The following TEAD4 variants were observed in gnomAD, a reference collection of about 807,000 sequenced individuals.
TEAD4 encodes transcriptional enhancer factor TEF-3.
TEAD4 carries 36 observed loss-of-function variants against 52.4 expected under a neutral mutation model. The ratio of observed to expected loss-of-function variants is 0.69; its 90% CI spans 0.53 to 0.91. The LOEUF (loss-of-function observed/expected upper bound fraction) is 0.91. TEAD4 is among the 40% of genes least tolerant of loss of function. TEAD4 has a pLI of 0.00. For synonymous variants in TEAD4, 220 were observed against 231.0 expected, an observed-to-expected ratio of 0.95 and a Z score of 0.43; for missense variants, 508 against 583.9, an observed-to-expected ratio of 0.87 and a Z score of 1.34.
At chr12:3,002,572 G>T (rs2098252577) in intron 3 of TEAD4, among the ~76,000 whole-genome samples, 1 of 152,180 alleles carries the variant, frequency 6.6e-6, no homozygotes, top group African/African-American at 2.4e-5. Context: ...CTATCTCGTG[G>T]TTTTTGATTT....
intron 10 of TEAD4, among the ~76,000 whole-genome samples, chr12:3,023,876 C>A (rs560161078): frequency 2.0e-5 from 3 of 151,630 alleles, no homozygotes; most frequent in Non-Finnish European, 4.4e-5. Context: ...GTAGTCACTG[C>A]AAATTTCAGC....
chr12:3,016,113 TG>T (rs148953693), intron 5 of TEAD4, among the ~76,000 whole-genome samples: 3,326 of 152,246 alleles, frequency 0.022, 139 homozygotes, highest in African/African-American at 0.076. Flanking sequence ...CTGCAGCCCC[TG>T]CTTCCCAGGT....
Position 3,040,649 on chromosome 12 carries a change from A to C in TEAD4, c.*171A>C. 1.6e-6 allele frequency: 1 copy of C among 617,948 alleles called. No homozygotes were observed. Among genetic ancestry groups the C allele is most frequent in the Non-Finnish European group, 2.9e-6 (1 of 345,846 alleles). The allele number at this position is 617,948 out of a possible 1,614,324, so 38.3% of individuals were successfully genotyped here. A position where few individuals can be genotyped will look rare whatever the true frequency, so the allele number is the denominator to read the frequency against. On this transcript the variant is annotated 3_prime_UTR_variant, in exon 13 of 13. Coordinates refer to ENST00000359864, the MANE Select transcript of TEAD4 (RefSeq NM_003213.4). ...ACCTGAGGTGCCCAACCCCAAATAA[A>C]CCCAAGATGCTGTGTATTTTCAGAG...
intron 2 of TEAD4, among the ~76,000 whole-genome samples, chr12:2,974,250 G>C (rs541923341): frequency 2.6e-5 from 4 of 152,304 alleles, no homozygotes; most frequent in East Asian, 3.9e-4. Context: ...TGATCCACCT[G>C]CCTCGGCCTC....
At chr12:2,961,384 A>C (rs1157901948) in intron 2 of TEAD4, among the ~76,000 whole-genome samples, 2 of 151,960 alleles carry the variant, frequency 1.3e-5, no homozygotes, top group Non-Finnish European at 2.9e-5. Context: ...TCTTGGAAGG[A>C]AGGAGCCAGA....
At chr12:2,984,218 C>G (rs758310567) in intron 2 of TEAD4, among the ~76,000 whole-genome samples, 3 of 152,072 alleles carry the variant, frequency 2.0e-5, no homozygotes, top group Non-Finnish European at 2.9e-5. Context: ...CAGATGGAAG[C>G]GCTAGAAAAT....
intron 2 of TEAD4, among the ~76,000 whole-genome samples, chr12:2,971,218 C>G (rs936875885): frequency 6.6e-6 from 1 of 152,156 alleles, no homozygotes; most frequent in Non-Finnish European, 1.5e-5. Context: ...GGGTCTGTGG[C>G]AGTGCCTGGT....
chr12:2,994,628 T>C lies in TEAD4; in HGVS notation c.-29-110T>C, dbSNP rs998814672. ...TCTCACAGATCTTTCACTTCACGCT[T>C]TGCTTCCTGAGCAACTGATTCGGGC... On this transcript the variant is annotated intron_variant, in intron 2 of 12. Transcript: ENST00000359864. The surrounding 1 kb of genome is among the most constrained non-coding windows in gnomAD (Gnocchi z 4.7). 4 of 1,384,268 alleles carry C rather than the reference T, an allele frequency of 2.9e-6. No individual in the cohort carries two copies. The highest frequency in any genetic ancestry group is 3.8e-6 in the Non-Finnish European group (4 of 1,053,584). 85.7% of individuals were successfully genotyped at this position (1,384,268 alleles called of 1,614,324 possible).
At chr12:3,015,794 G>C (rs1232267269) in intron 5 of TEAD4, among the ~76,000 whole-genome samples, 4 of 151,798 alleles carry the variant, frequency 2.6e-5, no homozygotes, top group Non-Finnish European at 5.9e-5. Context: ...TAGTTGGGAG[G>C]TTCTCAACCT....
chr12:3,009,429 T>TA (rs1404092817), intron 3 of TEAD4, among the ~76,000 whole-genome samples: 1 of 151,434 alleles, frequency 6.6e-6, no homozygotes, highest in Non-Finnish European at 1.5e-5. Flanking sequence ...AGACTTCGTC[T>TA]AAAAAAAATA....
chr12:2,994,973 G>A lies in TEAD4; in HGVS notation c.207G>A (p.Ser69=), dbSNP rs774116519. 1.9e-5 allele frequency: 31 copies of A among 1,613,888 alleles called. No individual in the cohort carries two copies. The highest frequency in any genetic ancestry group is 6.7e-5 in the Admixed American group (4 of 60,008). The change falls in exon 3 of 13, where the codon TCG becomes TCA. Residue 69 remains serine, a synonymous_variant. Coordinates refer to ENST00000359864, the MANE Select transcript of TEAD4 (RefSeq NM_003213.4). The surrounding 1 kb of genome is among the most constrained non-coding windows in gnomAD (Gnocchi z 4.7). ...GTGGCAGGCGCAAAATCATCCTGTC[G>A]GACGAGGGCAAGATGTATGGTAAGG...
intron 8 of TEAD4, among the ~76,000 whole-genome samples, chr12:3,020,142 C>T (rs934418227): frequency 4.6e-5 from 7 of 152,150 alleles, no homozygotes; most frequent in Admixed American, 2.6e-4. Context: ...CTGTTAGCAA[C>T]GCTGGATTGA....
At chr12:2,960,811 ACTGTT>A (rs1470808947) in intron 2 of TEAD4, among the ~76,000 whole-genome samples, 1 of 152,064 alleles carries the variant, frequency 6.6e-6, no homozygotes, top group African/African-American at 2.4e-5. Context: ...TCTGGCTAGG[ACTGTT>A]CTTCCTCCCT....
At chr12:2,977,592 G>A (rs1413600159) in intron 2 of TEAD4, among the ~76,000 whole-genome samples, 2 of 152,222 alleles carry the variant, frequency 1.3e-5, no homozygotes, top group Non-Finnish European at 2.9e-5. Flanking sequence ...GGCTCTGCAG[G>A]CAGGAATGCT....
intron 3 of TEAD4, among the ~76,000 whole-genome samples, chr12:3,010,506 A>AC (rs1014322380): frequency 1.3e-5 from 2 of 151,858 alleles, no homozygotes; most frequent in Non-Finnish European, 2.9e-5. Flanking sequence ...CAGCAGTTGC[A>AC]CCCCCCATGC....
At chr12:2,980,889 A>T (rs143299248) in intron 2 of TEAD4, among the ~76,000 whole-genome samples, 9 of 152,304 alleles carry the variant, frequency 5.9e-5, no homozygotes, top group Non-Finnish European at 1.2e-4. Flanking sequence ...CAGCATCATG[A>T]TGGGCAGGAG....
intron 2 of TEAD4, among the ~76,000 whole-genome samples, chr12:2,991,056 G>A (rs75469427): frequency 1.2e-4 from 18 of 152,140 alleles, no homozygotes; most frequent in East Asian, 5.8e-4. Context: ...ATAATTAGCC[G>A]GGCATGGTGG....
chr12:2,967,806 G>T, intron 2 of TEAD4, among the ~76,000 whole-genome samples: 1 of 152,162 alleles, frequency 6.6e-6, no homozygotes. Flanking sequence ...TTACAGAGGG[G>T]ACACTGTAGA....
chr12:2,962,600 G>A (rs756114954), intron 2 of TEAD4, among the ~76,000 whole-genome samples: 6 of 151,950 alleles, frequency 3.9e-5, no homozygotes, highest in Non-Finnish European at 7.3e-5. Flanking sequence ...CTCCTAAAGT[G>A]CTGAGATTAT....
Sources: gnomAD v4.1 joint callset for allele counts (sites outside exome capture counted in the v4.1 genomes callset) on GRCh38, gnomAD v4.1.1 for gene constraint, Gnocchi (gnomAD v3.1) non-coding constraint, MANE v1.5 for transcripts, NCBI Gene and HGNC (gene_info 2026-07-23, HGNC 2026-07-21) for gene names.